Variants in SNX29 observed in about 807,000 individuals in gnomAD.
SNX29 encodes the protein sorting nexin-29.
In SNX29, 78 loss-of-function variants were observed where a neutral mutation model predicts 102.1. The observed-to-expected ratio is 0.76, with a 90% CI of 0.64 to 0.92. The LOEUF is 0.92. Among genes scored for constraint, SNX29 ranks in the 40% least tolerant of loss-of-function variants. The probability of loss-of-function intolerance (pLI) is 0.00; values close to 1 mark genes in which losing one functional copy is unlikely to be tolerated. For missense variants in SNX29, 1,280 were observed against 1,061.7 expected, an observed-to-expected ratio of 1.21 and a Z score of -2.86; for synonymous variants, 580 against 414.5, an observed-to-expected ratio of 1.40 and a Z score of -4.85.
intron 7 of SNX29, among the ~76,000 whole-genome samples, chr16:12,049,806 A>G (rs1173874929): frequency 5.3e-5 from 8 of 152,098 alleles, no homozygotes; most frequent in Admixed American, 5.2e-4. Context: ...ATGTAGAGAC[A>G]GGGTCTTGCC....
At chr16:12,004,617 A>G (rs964898946) in intron 3 of SNX29, among the ~76,000 whole-genome samples, 1 of 152,088 alleles carries the variant, frequency 6.6e-6, no homozygotes, top group African/African-American at 2.4e-5. Flanking sequence ...CATCCTGGAA[A>G]CTGTTCATGT....
chr16:12,055,386 A>G (rs1370300549), intron 8 of SNX29, among the ~76,000 whole-genome samples: 1 of 151,884 alleles, frequency 6.6e-6, no homozygotes, highest in Admixed American at 6.6e-5. Context: ...GGTACCTACC[A>G]CACCCCGCTA....
intron 20 of SNX29, among the ~76,000 whole-genome samples, chr16:12,542,110 C>T (rs2077369541): frequency 6.6e-6 from 1 of 152,010 alleles, no homozygotes. Flanking sequence ...CCAACGGATC[C>T]CTAAATTGAG....
intron 14 of SNX29, among the ~76,000 whole-genome samples, chr16:12,267,732 T>C (rs891697583): frequency 6.6e-6 from 1 of 152,218 alleles, no homozygotes; most frequent in East Asian, 1.9e-4. Context: ...AGTTATCTTT[T>C]GGAGGGAGAT....
intron 20 of SNX29, among the ~76,000 whole-genome samples, chr16:12,567,933 G>T (rs558619594): frequency 2.6e-5 from 4 of 152,236 alleles, no homozygotes; most frequent in South Asian, 2.1e-4. Flanking sequence ...GTGTGTTCGC[G>T]TTGCTTCAGA....
Position 12,564,795 on chromosome 16 carries a change from GTGT to G in SNX29, c.2319-3707_2319-3705del, listed in dbSNP as rs1390401219. Among the ~76,000 whole-genome samples, 8 of 152,002 alleles carry G rather than the reference GTGT, an allele frequency of 5.3e-5. No individual in the cohort carries two copies. The South Asian group carries it at 1.5e-3, about 28-fold the overall frequency. ...TATGATTGCAGCCAGCTAAGAAATG[GTGT>G]TGTCATTCCAGAAGTCTCGGTGGTA... On this transcript the variant is annotated intron_variant, in intron 20 of 20. Transcript: ENST00000566228.
intron 13 of SNX29, among the ~76,000 whole-genome samples, chr16:12,195,821 C>G (rs960838208): frequency 6.6e-6 from 1 of 152,086 alleles, no homozygotes; most frequent in Non-Finnish European, 1.5e-5. Flanking sequence ...CACAGTAAAA[C>G]CAACCTCGTG....
At chr16:12,562,261 C>T (rs543705989) in intron 20 of SNX29, among the ~76,000 whole-genome samples, 68 of 152,166 alleles carry the variant, frequency 4.5e-4, no homozygotes, top group Non-Finnish European at 8.1e-4. Flanking sequence ...CACTAAGCAG[C>T]ATCCCCATGG....
intron 20 of SNX29, among the ~76,000 whole-genome samples, chr16:12,562,086 T>A (rs758667414): frequency 3.9e-5 from 6 of 152,160 alleles, no homozygotes; most frequent in Non-Finnish European, 8.8e-5. Context: ...GCCCAGTAGT[T>A]TGAACCGCAT....
chr16:12,054,388 G>T (rs1177236169), intron 8 of SNX29, among the ~76,000 whole-genome samples: 1 of 152,198 alleles, frequency 6.6e-6, no homozygotes, highest in Non-Finnish European at 1.5e-5. Context: ...TTCTGCTTCT[G>T]GGTGGATCAG....
In SNX29 at chr16:12,098,704, G is replaced by A. The variant is rs562134702; in HGVS notation, c.1402+19789G>A. Among the ~76,000 whole-genome samples the A allele has an allele frequency of 1.6e-4, 24 of 152,322 alleles. No individual in the cohort carries two copies. Among genetic ancestry groups the A allele is most frequent in the Middle Eastern group, 6.8e-3 (2 of 294 alleles). ...TCACCTCCTCCAGACAGACAGACACGTGAAGATCAAGAGGCTAGCTTTGTC... is the reference window on the plus strand; with the variant it reads ...TCACCTCCTCCAGACAGACAGACACATGAAGATCAAGAGGCTAGCTTTGTC... On this transcript the variant is annotated intron_variant, in intron 11 of 20. Coordinates refer to ENST00000566228, the MANE Select transcript of SNX29 (RefSeq NM_032167.5). The surrounding 1 kb of genome is among the most constrained non-coding windows in gnomAD (Gnocchi z 6.0).
chr16:12,563,258 G>T (rs962510188), intron 20 of SNX29, among the ~76,000 whole-genome samples: 1 of 152,118 alleles, frequency 6.6e-6, no homozygotes, highest in African/African-American at 2.4e-5. Context: ...ACCCCGCCCA[G>T]GTAGCAGAGG....
At chr16:12,250,296 A>G (rs1015752389) in intron 14 of SNX29, among the ~76,000 whole-genome samples, 1 of 152,196 alleles carries the variant, frequency 6.6e-6, no homozygotes, top group Non-Finnish European at 1.5e-5. Context: ...GCCAAAATAT[A>G]TAGTGGTCCT....
intron 16 of SNX29, among the ~76,000 whole-genome samples, chr16:12,356,808 G>A (rs1190540675): frequency 6.6e-6 from 1 of 152,258 alleles, no homozygotes; most frequent in African/African-American, 2.4e-5. Context: ...ATTGTGGGAT[G>A]TCTAGCAGCG....
At chr16:12,232,271 A>G (rs1436117091) in intron 14 of SNX29, among the ~76,000 whole-genome samples, 1 of 152,216 alleles carries the variant, frequency 6.6e-6, no homozygotes, top group Non-Finnish European at 1.5e-5. Context: ...TCACACCTGT[A>G]ATCTTTGAAC....
intron 13 of SNX29, among the ~76,000 whole-genome samples, chr16:12,172,991 A>G (rs1304581175): frequency 6.6e-6 from 1 of 152,244 alleles, no homozygotes; most frequent in African/African-American, 2.4e-5. Context: ...TTTGGGAAGC[A>G]AGAATTGGAA....
intron 14 of SNX29, among the ~76,000 whole-genome samples, chr16:12,259,300 G>A (rs1054909920): frequency 6.6e-6 from 1 of 152,206 alleles, no homozygotes; most frequent in African/African-American, 2.4e-5. Flanking sequence ...CGTGATTACA[G>A]CTGGGCCACC....
At chr16:12,481,776 C>A (rs2087947512) in intron 19 of SNX29, among the ~76,000 whole-genome samples, 1 of 152,154 alleles carries the variant, frequency 6.6e-6, no homozygotes, top group African/African-American at 2.4e-5. Flanking sequence ...CTCAAGTGAT[C>A]CTCCCACCTC....
At chr16:12,460,154 T>C (rs1467285831) in intron 18 of SNX29, among the ~76,000 whole-genome samples, 1 of 152,182 alleles carries the variant, frequency 6.6e-6, no homozygotes, top group Non-Finnish European at 1.5e-5. Context: ...CCCCAGCCCA[T>C]TCCTTCTCAC....
Sources: allele counts gnomAD v4.1 joint callset (sites outside exome capture counted in the v4.1 genomes callset), GRCh38; gene constraint gnomAD v4.1.1; non-coding constraint Gnocchi (gnomAD v3.1); transcripts MANE v1.5; gene names NCBI Gene and HGNC (gene_info 2026-07-23, HGNC 2026-07-21).